Variants in TASP1 observed in about 807,000 individuals in gnomAD.
TASP1 encodes the protein threonine aspartase 1.
Under a neutral mutation model 56.6 loss-of-function variants are expected in TASP1, and 16 were observed. That is an observed-to-expected ratio of 0.28 (90% confidence interval 0.19 to 0.43). TASP1 has a LOEUF of 0.43. Among genes scored for constraint, TASP1 ranks in the 20% least tolerant of loss-of-function variants. The pLI, the probability that TASP1 is intolerant of heterozygous loss-of-function variation, is 1.00. For missense variants in TASP1, 393 were observed against 511.6 expected, an observed-to-expected ratio of 0.77 and a Z score of 2.24; for synonymous variants, 179 against 184.2, an observed-to-expected ratio of 0.97 and a Z score of 0.23.
chr20:13,240,231 G>A, the TASP1 span, among the ~76,000 whole-genome samples: 1 of 152,204 alleles, frequency 6.6e-6, no homozygotes, highest in South Asian at 2.1e-4. Flanking sequence ...ACAAGCTTAT[G>A]TTCTAGAAAG....
the TASP1 span, among the ~76,000 whole-genome samples, chr20:13,275,362 T>C: frequency 1.3e-5 from 2 of 152,200 alleles, no homozygotes; most frequent in Non-Finnish European, 2.9e-5. Context: ...TTCTCTAAAA[T>C]ACTTTTAGAG....
chr20:13,607,615 A>G (rs1012278148), intron 4 of TASP1, among the ~76,000 whole-genome samples: 2 of 152,244 alleles, frequency 1.3e-5, no homozygotes, highest in African/African-American at 4.8e-5. Context: ...GAAGTCAGAC[A>G]TTAACAGGAA....
the TASP1 span, among the ~76,000 whole-genome samples, chr20:13,164,011 G>A: frequency 5.3e-5 from 8 of 151,916 alleles, no homozygotes; most frequent in East Asian, 1.9e-4. Context: ...CCATTAACTC[G>A]TCATTTAGCA....
At chr20:13,141,595 T>C in the TASP1 span, among the ~76,000 whole-genome samples, 1 of 152,202 alleles carries the variant, frequency 6.6e-6, no homozygotes, top group Non-Finnish European at 1.5e-5. Context: ...CAAAATGTAC[T>C]GTCTGAGGGC....
chr20:13,604,639 T>A (rs930045114), intron 4 of TASP1, among the ~76,000 whole-genome samples: 23 of 152,200 alleles, frequency 1.5e-4, no homozygotes, highest in Admixed American at 3.9e-4. Flanking sequence ...TTGAATAAAG[T>A]CTGCCTTACC....
intron 11 of TASP1, among the ~76,000 whole-genome samples, chr20:13,437,053 A>C (rs1330655109): frequency 6.6e-6 from 1 of 152,040 alleles, no homozygotes; most frequent in East Asian, 1.9e-4. Flanking sequence ...GAGACACAAC[A>C]AAAAAAGAGA....
chr20:13,120,560 G>T, the TASP1 span, among the ~76,000 whole-genome samples: 4 of 152,118 alleles, frequency 2.6e-5, no homozygotes, highest in East Asian at 7.7e-4. Flanking sequence ...GTATAGAGGG[G>T]CTGCATTCCC....
the TASP1 span, among the ~76,000 whole-genome samples, chr20:13,115,680 A>G: frequency 6.6e-6 from 1 of 152,140 alleles, no homozygotes; most frequent in African/African-American, 2.4e-5. Context: ...AACACAGAAC[A>G]TTGTCAAGGG....
chr20:13,484,898 C>A (rs1485272984), intron 10 of TASP1, among the ~76,000 whole-genome samples: 1 of 152,050 alleles, frequency 6.6e-6, no homozygotes, highest in Non-Finnish European at 1.5e-5. Flanking sequence ...CTAAGCACTG[C>A]ATGTTCTCAC....
intron 4 of TASP1, among the ~76,000 whole-genome samples, chr20:13,610,442 TG>T (rs1448043035): frequency 6.6e-6 from 1 of 152,164 alleles, no homozygotes; most frequent in Non-Finnish European, 1.5e-5. Flanking sequence ...TTCCGTTTGC[TG>T]ATCTGGGTGC....
At chr20:13,191,582 T>C in the TASP1 span, among the ~76,000 whole-genome samples, 1 of 152,204 alleles carries the variant, frequency 6.6e-6, no homozygotes, top group Non-Finnish European at 1.5e-5. Context: ...TTCCAGAGGC[T>C]GATAAGGACC....
intron 10 of TASP1, among the ~76,000 whole-genome samples, chr20:13,507,984 T>A (rs1009780641): frequency 1.3e-5 from 2 of 152,198 alleles, no homozygotes; most frequent in African/African-American, 2.4e-5. Context: ...GGAGAAGGGA[T>A]GTTCTCTTCA....
chr20:13,562,927 G>A (rs1435729976), intron 7 of TASP1, among the ~76,000 whole-genome samples: 5 of 146,014 alleles, frequency 3.4e-5, no homozygotes, highest in Non-Finnish European at 7.5e-5. Flanking sequence ...GTGTGTGTGT[G>A]TGTGTGTGTG....
chr20:13,342,652 C>T, the TASP1 span, among the ~76,000 whole-genome samples: 3 of 152,176 alleles, frequency 2.0e-5, no homozygotes, highest in Admixed American at 1.3e-4. Context: ...GAGGAATGAG[C>T]GGAACTCCCA....
At chr20:13,416,329 C>T (rs1393819731) in intron 13 of TASP1, among the ~76,000 whole-genome samples, 2 of 152,082 alleles carry the variant, frequency 1.3e-5, no homozygotes, top group African/African-American at 2.4e-5. Flanking sequence ...TCTTAGGAAA[C>T]AGGTCTACTA....
chr20:13,474,539 T>C (rs1003993615), intron 11 of TASP1, among the ~76,000 whole-genome samples: 1 of 152,214 alleles, frequency 6.6e-6, no homozygotes, highest in African/African-American at 2.4e-5. Flanking sequence ...CGTTAGTCAA[T>C]GGGTACTAAG....
intron 10 of TASP1, among the ~76,000 whole-genome samples, chr20:13,508,321 T>C (rs1039816481): frequency 1.3e-5 from 2 of 152,010 alleles, no homozygotes; most frequent in Admixed American, 1.3e-4. Flanking sequence ...ATCCATTGAA[T>C]GGGAAAAAAT....
At chr20:13,336,927 T>C in the TASP1 span, among the ~76,000 whole-genome samples, 1 of 152,236 alleles carries the variant, frequency 6.6e-6, no homozygotes, top group Non-Finnish European at 1.5e-5. Flanking sequence ...CTCTGTCTAC[T>C]GGATTTGAAT....
chr20:13,157,160 G>A, the TASP1 span, among the ~76,000 whole-genome samples: 5 of 151,990 alleles, frequency 3.3e-5, no homozygotes, highest in Non-Finnish European at 7.4e-5. Flanking sequence ...TTCTAAAGCC[G>A]GGTACGGTAG....
Sources: allele counts gnomAD v4.1 joint callset (sites outside exome capture counted in the v4.1 genomes callset), GRCh38; gene constraint gnomAD v4.1.1; transcripts MANE v1.5; gene names NCBI Gene and HGNC (gene_info 2026-07-23, HGNC 2026-07-21).